NALF1: variants seen among roughly 807,000 people sequenced by gnomAD.
NALF1 encodes the protein family with sequence similarity 155 member A.
Under a neutral mutation model 48.4 loss-of-function variants are expected in NALF1, and 3 were observed. The ratio of observed to expected loss-of-function variants is 0.06; its 90% CI spans 0.03 to 0.16. The LOEUF (loss-of-function observed/expected upper bound fraction) is 0.16, where lower values mean the gene tolerates loss of function less well. Ranked by LOEUF, NALF1 falls within the 10% of genes least tolerant of loss-of-function variation. NALF1 has a pLI of 1.00. For missense variants in NALF1, 526 were observed against 571.5 expected (o/e 0.92, Z 0.81); for synonymous variants, 262 against 245.7 (o/e 1.07, Z -0.62).
intron 2 of NALF1, among the ~76,000 whole-genome samples, chr13:107,197,751 CT>C (rs1879424039): frequency 6.6e-6 from 1 of 152,172 alleles, no homozygotes; most frequent in Non-Finnish European, 1.5e-5. Flanking sequence ...TCCACACTTG[CT>C]TTTGTGTGTG....
chr13:107,864,743 G>A (rs1467506220), intron 1 of NALF1, among the ~76,000 whole-genome samples: 4 of 152,218 alleles, frequency 2.6e-5, no homozygotes, highest in Admixed American at 6.5e-5. Context: ...ACCACGGACA[G>A]AGACGCTTCT....
chr13:107,643,901 T>C (rs898818824), intron 1 of NALF1, among the ~76,000 whole-genome samples: 4 of 151,664 alleles, frequency 2.6e-5, no homozygotes, highest in Admixed American at 1.3e-4. Context: ...AGATTTTCCA[T>C]TGAGAGAGAG....
At chr13:107,408,028 C>T (rs1239947771) in intron 1 of NALF1, among the ~76,000 whole-genome samples, 1 of 151,938 alleles carries the variant, frequency 6.6e-6, no homozygotes, top group Non-Finnish European at 1.5e-5. Flanking sequence ...CATTTTCTCA[C>T]TTATTTGGGG....
At chr13:107,332,482 G>A (rs1025928980) in intron 1 of NALF1, among the ~76,000 whole-genome samples, 8 of 152,220 alleles carry the variant, frequency 5.3e-5, no homozygotes, top group Non-Finnish European at 7.3e-5. Flanking sequence ...TACTGGAGGC[G>A]GCCCTGGGTC....
intron 1 of NALF1, among the ~76,000 whole-genome samples, chr13:107,758,538 A>G (rs901873410): frequency 1.3e-5 from 2 of 151,860 alleles, no homozygotes; most frequent in Non-Finnish European, 2.9e-5. Context: ...TGGCTAACAT[A>G]GTGAAACCCC....
intron 1 of NALF1, among the ~76,000 whole-genome samples, chr13:107,850,998 T>A (rs1402880189): frequency 2.0e-5 from 3 of 152,200 alleles, no homozygotes; most frequent in Non-Finnish European, 1.5e-5. Context: ...TGTCGGAGGT[T>A]ATAACAATCC....
chr13:107,683,491 T>C lies in NALF1; in HGVS notation c.915+182191A>G, dbSNP rs573695093. Among the ~76,000 whole-genome samples the C allele has an allele frequency of 2.6e-5, 4 of 152,336 alleles. No individual in the cohort carries two copies. In the South Asian group the frequency reaches 8.3e-4, roughly 32 times the overall value. ...TTTAATTCTGTGATTAGAATCTACATGTAAAGATGCGCTTCCAAACTCCAG... is the reference window on the plus strand; with the variant it reads ...TTTAATTCTGTGATTAGAATCTACACGTAAAGATGCGCTTCCAAACTCCAG... On this transcript the variant is annotated intron_variant, in intron 1 of 2. Coordinates refer to ENST00000375915, the MANE Select transcript of NALF1 (RefSeq NM_001080396.3).
At chr13:107,750,919 G>T (rs1876920524) in intron 1 of NALF1, among the ~76,000 whole-genome samples, 1 of 152,032 alleles carries the variant, frequency 6.6e-6, no homozygotes, top group African/African-American at 2.4e-5. Context: ...AACATAGAAA[G>T]CTTCACTTAA....
intron 1 of NALF1, among the ~76,000 whole-genome samples, chr13:107,737,103 A>C (rs1336652431): frequency 6.6e-6 from 1 of 152,344 alleles, no homozygotes; most frequent in African/African-American, 2.4e-5. Context: ...GAACATTAAA[A>C]CAACATTATT....
At chr13:107,561,715 A>C (rs1290374922) in intron 1 of NALF1, among the ~76,000 whole-genome samples, 1 of 152,220 alleles carries the variant, frequency 6.6e-6, no homozygotes, top group Non-Finnish European at 1.5e-5. Context: ...TCTGTATGAA[A>C]GTTTCACCAG....
intron 1 of NALF1, among the ~76,000 whole-genome samples, chr13:107,396,335 C>T (rs1454675982): frequency 6.6e-6 from 1 of 152,138 alleles, no homozygotes; most frequent in African/African-American, 2.4e-5. Flanking sequence ...GTTCTGTGTT[C>T]GCAAAAGATC....
intron 1 of NALF1, among the ~76,000 whole-genome samples, chr13:107,441,251 GAGAGCAA>G (rs1465778010): frequency 6.6e-6 from 1 of 152,182 alleles, no homozygotes; most frequent in Middle Eastern, 3.2e-3. Flanking sequence ...AACAGAAGAT[GAGAGCAA>G]GTCAGACCAG....
intron 1 of NALF1, among the ~76,000 whole-genome samples, chr13:107,573,900 CAATT>C (rs1878059252): frequency 6.6e-6 from 1 of 152,168 alleles, no homozygotes; most frequent in South Asian, 2.1e-4. Flanking sequence ...AGCTGTGAGT[CAATT>C]AAACCTCTTT....
At chr13:107,217,743 G>A (rs1232814708) in intron 1 of NALF1, among the ~76,000 whole-genome samples, 1 of 152,078 alleles carries the variant, frequency 6.6e-6, no homozygotes, top group Non-Finnish European at 1.5e-5. Context: ...ATAGCTCTAT[G>A]TCTGCCCAAA....
chr13:107,852,731 G>A (rs2138643635), intron 1 of NALF1, among the ~76,000 whole-genome samples: 1 of 152,170 alleles, frequency 6.6e-6, no homozygotes, highest in Admixed American at 6.5e-5. Context: ...AAAGCCCCTT[G>A]GAAAATTATT....
intron 1 of NALF1, among the ~76,000 whole-genome samples, chr13:107,752,502 G>C (rs562408960): frequency 1.3e-5 from 2 of 152,130 alleles, no homozygotes; most frequent in African/African-American, 4.8e-5. Context: ...GTGTGGGTGT[G>C]TGTGTAATGG....
At chr13:107,504,628 G>A (rs1046770236) in intron 1 of NALF1, among the ~76,000 whole-genome samples, 3 of 151,918 alleles carry the variant, frequency 2.0e-5, no homozygotes, top group South Asian at 2.1e-4. Context: ...TACCGGTATC[G>A]AAGGCCCCCC....
intron 1 of NALF1, among the ~76,000 whole-genome samples, chr13:107,532,371 C>T (rs1049720026): frequency 6.6e-6 from 1 of 152,056 alleles, no homozygotes; most frequent in Non-Finnish European, 1.5e-5. Context: ...TCATTATGGA[C>T]TGTTTTGCTG....
chr13:107,854,212 T>C (rs1243498286), intron 1 of NALF1, among the ~76,000 whole-genome samples: 1 of 152,244 alleles, frequency 6.6e-6, no homozygotes, highest in Non-Finnish European at 1.5e-5. Flanking sequence ...ATATTCAATA[T>C]ATATATTTAG....
Sources: allele counts gnomAD v4.1 joint callset (sites outside exome capture counted in the v4.1 genomes callset), GRCh38; gene constraint gnomAD v4.1.1; transcripts MANE v1.5; gene names NCBI Gene and HGNC (gene_info 2026-07-23, HGNC 2026-07-21).